The following NFASC variants were observed in gnomAD, a reference collection of about 807,000 sequenced individuals.
NFASC encodes the protein neurofascin homolog.
Under a neutral mutation model 147.5 loss-of-function variants are expected in NFASC, and 43 were observed. The observed-to-expected ratio is 0.29, with a 90% confidence interval of 0.23 to 0.38. The LOEUF (loss-of-function observed/expected upper bound fraction) is 0.38. Ranked by LOEUF, NFASC falls within the 10% of genes least tolerant of loss-of-function variation. The pLI is 1.00. For synonymous variants in NFASC, 622 were observed against 665.5 expected (o/e 0.93, Z 1.01); for missense variants, 1,320 against 1,689.0 (o/e 0.78, Z 3.83).
Position 204,997,158 on chromosome 1 carries a change from T to C in NFASC, c.2783-12T>C, listed in dbSNP as rs765682924. ...ACCAACCAGACTCGGCTGTTTTACATTTCCCTCTCAGCTCCTCCCACATTG... is the reference window on the plus strand; with the variant it reads ...ACCAACCAGACTCGGCTGTTTTACACTTCCCTCTCAGCTCCTCCCACATTG... On this transcript the variant is annotated splice_polypyrimidine_tract_variant and intron_variant, in intron 24 of 29. Coordinates refer to ENST00000339876, the MANE Select transcript of NFASC (RefSeq NM_001005388.3). 7 of 1,602,954 alleles carry C rather than the reference T, an allele frequency of 4.4e-6. No individual in the cohort carries two copies. In the African/African-American group the frequency reaches 8.0e-5, roughly 18 times the overall value.
intron 2 of NFASC, among the ~76,000 whole-genome samples, chr1:204,937,421 T>G (rs1292620674): frequency 6.6e-6 from 1 of 152,196 alleles, no homozygotes; most frequent in East Asian, 1.9e-4. Context: ...ACAGAGAAGT[T>G]TCACTGCCCT....
intron 13 of NFASC, 56 bp downstream of exon 13, chr1:204,974,346 C>T (rs2150344244): frequency 1.5e-6 from 2 of 1,359,304 alleles, no homozygotes; most frequent in East Asian, 2.4e-5. Flanking sequence ...TCATCTTCTC[C>T]TTCCCATCTG....
intron 1 of NFASC, among the ~76,000 whole-genome samples, chr1:204,892,824 C>G (rs543469282): frequency 6.6e-6 from 1 of 152,330 alleles, no homozygotes; most frequent in South Asian, 2.1e-4. Context: ...TTGTGGCTTA[C>G]ACTATCATAT....
Position 204,954,667 on chromosome 1 carries a change from G to A in NFASC, c.413-162G>A, listed in dbSNP as rs1242957695. 2.6e-5 allele frequency among the ~76,000 whole-genome samples: 4 copies of A among 152,270 alleles called. No homozygotes were observed. The highest frequency in any genetic ancestry group is 4.1e-4 in the South Asian group (2 of 4,826). On this transcript the variant is annotated intron_variant, in intron 6 of 29. Coordinates refer to ENST00000339876, the MANE Select transcript of NFASC (RefSeq NM_001005388.3). The surrounding 1 kb of genome is among the most constrained non-coding windows in gnomAD (Gnocchi z 5.7). Reference sequence around the variant, plus strand: ...CTCCCTTCTCCTGCCTCTCAAGGGCGGCCCCTTGAGTAGGCTCACGTGCCC... The same window carrying A: ...CTCCCTTCTCCTGCCTCTCAAGGGCAGCCCCTTGAGTAGGCTCACGTGCCC...
intron 14 of NFASC, 80 bp downstream of exon 14, chr1:204,974,903 C>T: frequency 7.0e-7 from 1 of 1,430,392 alleles, no homozygotes; most frequent in Non-Finnish European, 9.8e-7. Flanking sequence ...ACAATATTCA[C>T]ATTGAAAATG....
At position 204,954,079 on chromosome 1, in the gene NFASC, TGA is replaced by T; in HGVS notation, c.216-103_216-102del. On this transcript the variant is annotated intron_variant, in intron 5 of 29. Coordinates refer to ENST00000339876, the MANE Select transcript of NFASC (RefSeq NM_001005388.3). The surrounding 1 kb of genome is among the most constrained non-coding windows in gnomAD (Gnocchi z 5.7). ...TTGGTATGGGGTGCCACGATGGGAC[TGA>T]GAGAGGGAATTTTGGTACTGAGCCA... is the stretch of plus-strand genomic sequence containing the variant. 2.1e-6 allele frequency: 2 copies of T among 953,710 alleles called. No individual in the cohort carries two copies. The highest frequency in any genetic ancestry group is 1.5e-5 in the South Asian group (1 of 67,360). 59.1% of individuals were successfully genotyped at this position (953,710 alleles called of 1,614,324 possible).
intron 12 of NFASC, 115 bp downstream of exon 12, chr1:204,973,534 T>C: frequency 7.5e-7 from 1 of 1,328,548 alleles, no homozygotes; most frequent in Non-Finnish European, 1.0e-6. Flanking sequence ...CCAAGCTGGG[T>C]GAGGTAAGAG....
intron 8 of NFASC, among the ~76,000 whole-genome samples, chr1:204,958,440 CT>C (rs999049538): frequency 6.6e-6 from 1 of 152,166 alleles, no homozygotes; most frequent in Non-Finnish European, 1.5e-5. Flanking sequence ...TTCCCTGATT[CT>C]GTTTGGCTGG....
intron 8 of NFASC, among the ~76,000 whole-genome samples, chr1:204,959,324 C>T (rs887856009): frequency 1.3e-5 from 2 of 152,190 alleles, no homozygotes; most frequent in Non-Finnish European, 2.9e-5. Flanking sequence ...GCAGGGTGAC[C>T]TGGCTTCACT....
At chr1:204,940,816 A>G (rs1204798237) in intron 2 of NFASC, among the ~76,000 whole-genome samples, 2 of 152,212 alleles carry the variant, frequency 1.3e-5, no homozygotes, top group South Asian at 4.1e-4. Flanking sequence ...GGGTATATAC[A>G]TACTGGAATT....
rs9194 is a variant in NFASC at position 205,022,642 on chromosome 1, C to T, written c.*6103C>T. The stretch of plus-strand genomic sequence containing the variant: ...GATGCGTATCTGAGGGTGTCACACA[C>T]GACCTTCAGCAGGGAAGACTTCTGG... On this transcript the variant is annotated 3_prime_UTR_variant, in exon 30 of 30. Transcript: ENST00000339876. The T allele has an allele frequency of 0.18, 27,054 of 152,550 alleles. 2,588 individuals carry two copies. The highest frequency in any genetic ancestry group is 0.27 in the South Asian group (1,319 of 4,826). 9.4% of individuals were successfully genotyped at this position (152,550 alleles called of 1,614,324 possible).
At chr1:204,934,008 G>T (rs1383287859) in intron 2 of NFASC, among the ~76,000 whole-genome samples, 14 of 151,850 alleles carry the variant, frequency 9.2e-5, no homozygotes, top group Non-Finnish European at 1.8e-4. Context: ...CGTGGTGGCA[G>T]GTGCCTGTAA....
At chr1:204,967,576 C>T (rs962103431) in intron 8 of NFASC, among the ~76,000 whole-genome samples, 2 of 152,060 alleles carry the variant, frequency 1.3e-5, no homozygotes, top group East Asian at 1.9e-4. Flanking sequence ...ACCCCCTCCC[C>T]GAGCAGCTCA....
chr1:204,979,404 T>G lies in NFASC; in HGVS notation c.2021T>G (p.Val674Gly). 1.2e-6 allele frequency: 2 copies of G among 1,614,126 alleles called. No homozygotes were observed. The highest frequency in any genetic ancestry group is 2.2e-5 in the South Asian group (2 of 91,086). Residue 674 changes from valine (V) to glycine (G), a missense_variant, in exon 19 of 30, where the codon GTC becomes GGC. Val to Gly is a moderately radical substitution (Grantham distance 109). Around this residue, in one of 3 missense-constraint regions of NFASC, gnomAD observed 981 missense variants for 1,289.5 expected, o/e 0.76. Coordinates refer to ENST00000339876, the MANE Select transcript of NFASC (RefSeq NM_001005388.3). The surrounding 1 kb of genome is among the most constrained non-coding windows in gnomAD (Gnocchi z 6.0). ...QFEEDQFQPG[V>G]WHDHSKYPGS... ...GAAGAAGACCAGTTCCAACCTGGGG[T>G]CTGGCATGACCATTCCAAGTACCCC...
At chr1:204,946,402 G>T in intron 3 of NFASC, 1 of 472,872 alleles carries the variant, frequency 2.1e-6, no homozygotes, top group East Asian at 6.1e-5. Flanking sequence ...CTCTCTGATG[G>T]AGAGGGAAGT....
intron 1 of NFASC, among the ~76,000 whole-genome samples, chr1:204,918,584 C>CTTTTTTTTT (rs71147720): frequency 8.0e-6 from 1 of 124,836 alleles, no homozygotes; most frequent in Admixed American, 8.4e-5. Context: ...TTCTTTGAAA[C>CTTTTTTTTT]TTTTTTTTTT....
At chr1:204,871,124 TCC>T in intron 1 of NFASC, 1 of 1,286,644 alleles carries the variant, frequency 7.8e-7, no homozygotes, top group African/African-American at 1.5e-5. Context: ...ACCCCATTCC[TCC>T]TGCTTTGGCC....
Position 205,002,597 on chromosome 1 carries a change from C to T in NFASC, c.3138C>T (p.Ser1046=). The change falls in exon 27 of 30, where the codon AGC becomes AGT. Residue 1046 remains serine, a splice_region_variant and synonymous_variant. Transcript: ENST00000339876. ...CTGATTGAGGTTTCTGTTCCCCAGG[C>T]AACCATACGAAAAAAACTGTCCCAG... ...GTDFVVEYID[S]NHTKKTVPVK... is the part of the protein sequence containing the mutation. 1 of 1,499,610 alleles carries T rather than the reference C, an allele frequency of 6.7e-7. No individual in the cohort carries two copies. The highest frequency in any genetic ancestry group is 1.3e-5 in the South Asian group (1 of 76,580). The allele number at this position is 1,499,610 out of a possible 1,614,324, so 92.9% of individuals were successfully genotyped here.
At chr1:205,011,305 G>A (rs1167199444) in intron 28 of NFASC, among the ~76,000 whole-genome samples, 3 of 151,382 alleles carry the variant, frequency 2.0e-5, no homozygotes, top group Non-Finnish European at 4.4e-5. Flanking sequence ...GGACTCTGAA[G>A]AGCTGTGCCT....
Sources: allele counts gnomAD v4.1 joint callset (sites outside exome capture counted in the v4.1 genomes callset), GRCh38; gene constraint gnomAD v4.1.1; regional missense constraint gnomAD v4.1.1; non-coding constraint Gnocchi (gnomAD v3.1); transcripts MANE v1.5; gene names NCBI Gene and HGNC (gene_info 2026-07-23, HGNC 2026-07-21).